CCDC141: variants seen among roughly 807,000 people sequenced by gnomAD.
CCDC141 encodes the protein coiled-coil domain-containing protein 141.
Under a neutral mutation model 181.0 loss-of-function variants are expected in CCDC141, and 168 were observed. The ratio of observed to expected loss-of-function variants is 0.93; its 90% confidence interval spans 0.82 to 1.05. The LOEUF (loss-of-function observed/expected upper bound fraction) is 1.05, where lower values mean the gene tolerates loss of function less well. Ranked by LOEUF, CCDC141 falls within the 50% of genes least tolerant of loss-of-function variation. The probability of loss-of-function intolerance (pLI) is 0.00; values close to 1 mark genes in which losing one functional copy is unlikely to be tolerated. For missense variants in CCDC141, 1,902 were observed against 1,788.5 expected, an observed-to-expected ratio of 1.06 and a Z score of -1.14; for synonymous variants, 666 against 642.3, an observed-to-expected ratio of 1.04 and a Z score of -0.56.
intron 8 of CCDC141, among the ~76,000 whole-genome samples, chr2:178,905,019 G>T (rs1371477324): frequency 6.6e-6 from 1 of 152,180 alleles, no homozygotes; most frequent in African/African-American, 2.4e-5. Context: ...AGATGCTAGG[G>T]TTTGAAAAGC....
At chr2:178,979,391 C>T (rs1014309308) in intron 2 of CCDC141, among the ~76,000 whole-genome samples, 4 of 151,816 alleles carry the variant, frequency 2.6e-5, no homozygotes, top group African/African-American at 7.3e-5. Context: ...GAACTTAAAA[C>T]GTGATAAAGA....
chr2:179,040,366 T>C (rs886628261), intron 2 of CCDC141, among the ~76,000 whole-genome samples: 1 of 152,246 alleles, frequency 6.6e-6, no homozygotes, highest in Non-Finnish European at 1.5e-5. Flanking sequence ...CCCTCTTCTT[T>C]CTTTTATTTC....
chr2:178,979,929 G>A (rs1285077724), intron 2 of CCDC141, among the ~76,000 whole-genome samples: 1 of 152,030 alleles, frequency 6.6e-6, no homozygotes, highest in Non-Finnish European at 1.5e-5. Flanking sequence ...CTTATGCTCA[G>A]ATAAAATACG....
At position 178,918,734 on chromosome 2, in the gene CCDC141, T is replaced by G. The variant is rs534363245; in HGVS notation, c.1071A>C (p.Glu357Asp). 1 of 1,550,500 alleles carries G rather than the reference T, an allele frequency of 6.4e-7. No individual in the cohort carries two copies. The highest frequency in any genetic ancestry group is 8.7e-7 in the Non-Finnish European group (1 of 1,146,946). Residue 357 changes from glutamate to aspartate, a missense_variant, in exon 7 of 24, where the codon GAA becomes GAC. Coordinates refer to ENST00000443758, the MANE Select transcript of CCDC141 (RefSeq NM_173648.4). ...TGACCTTGTTAGCACTGTTAAAAAA[T>G]TCATTCGCCTTCTTTAACCAGGTAT... ...ERNTWLKKAN[E>D]FFNSANKAFD...
Position 179,047,361 on chromosome 2 carries a change from G to C in CCDC141, c.148C>G (p.Leu50Val), listed in dbSNP as rs1187862504. The C allele has an allele frequency of 6.5e-7, 1 of 1,539,694 alleles. No individual in the cohort carries two copies. Among genetic ancestry groups the C allele is most frequent in the East Asian group, 2.5e-5 (1 of 40,342 alleles). ...TCTTGACTGCTGCCAATTTCTAGAAGATTGGGCTGTGATTCAGCCAGTTGA... is the reference window on the plus strand; with the variant it reads ...TCTTGACTGCTGCCAATTTCTAGAACATTGGGCTGTGATTCAGCCAGTTGA... ...QLQLAESQPN[L>V]LEIGSSQDET... The change falls in exon 2 of 24, where the codon CTT becomes GTT. Residue 50 changes from leucine (L) to valine (V), a missense_variant. Leu to Val is a conservative substitution (Grantham distance 32). Transcript: ENST00000443758.
intron 11 of CCDC141, among the ~76,000 whole-genome samples, chr2:178,881,158 C>A (rs1270790314): frequency 6.6e-6 from 1 of 151,948 alleles, no homozygotes; most frequent in Non-Finnish European, 1.5e-5. Flanking sequence ...GGAGAAGGAA[C>A]AGACAAAGAA....
chr2:178,918,655 T>G (rs1306615751), intron 7 of CCDC141, 58 bp downstream of exon 7: 17 of 1,390,704 alleles, frequency 1.2e-5, no homozygotes, highest in Non-Finnish European at 1.5e-5. Flanking sequence ...GTTGAAGTAA[T>G]GGGTCTTTTA....
At chr2:178,849,927 C>T (rs770435412) in intron 21 of CCDC141, 122 bp downstream of exon 21, 16 of 591,824 alleles carry the variant, frequency 2.7e-5, no homozygotes, top group Non-Finnish European at 4.8e-5. Flanking sequence ...AGCTGTAAAA[C>T]AAATGTGCAC....
intron 22 of CCDC141, among the ~76,000 whole-genome samples, chr2:178,840,683 T>C (rs1266876975): frequency 6.6e-6 from 1 of 152,218 alleles, no homozygotes; most frequent in Non-Finnish European, 1.5e-5. Flanking sequence ...TTAATCTATT[T>C]AAATCAGGCA....
At position 178,833,930 on chromosome 2, in the gene CCDC141, C is replaced by T; in HGVS notation, c.*243G>A. 1 of 456,034 alleles carries T rather than the reference C, an allele frequency of 2.2e-6. No individual in the cohort carries two copies. Among genetic ancestry groups the T allele is most frequent in the Middle Eastern group, 5.9e-4 (1 of 1,706 alleles). The allele number at this position is 456,034 out of a possible 1,614,324, so 28.2% of individuals were successfully genotyped here. ...TTGCTGCATATTATGTTGAAAACAT[C>T]TGTTTCTAGAGTACAAAAATCTGTT... On this transcript the variant is annotated 3_prime_UTR_variant, in exon 24 of 24. Coordinates refer to ENST00000443758, the MANE Select transcript of CCDC141 (RefSeq NM_173648.4).
intron 2 of CCDC141, among the ~76,000 whole-genome samples, chr2:179,046,797 A>G (rs1257532401): frequency 6.6e-6 from 1 of 152,244 alleles, no homozygotes; most frequent in Non-Finnish European, 1.5e-5. Context: ...CTCAACATAT[A>G]TAAAATAGTA....
intron 7 of CCDC141, among the ~76,000 whole-genome samples, chr2:178,917,573 C>T (rs1033350646): frequency 6.6e-6 from 1 of 152,180 alleles, no homozygotes. Context: ...TTTCCTGCCA[C>T]ATTGTCCGTT....
Position 178,836,079 on chromosome 2 carries a change from C to A in CCDC141, c.4325+815G>T, listed in dbSNP as rs544413452. 3 of 152,640 alleles carry A rather than the reference C, an allele frequency of 2.0e-5. No individual in the cohort carries two copies. The South Asian group carries it at 6.2e-4, about 32-fold the overall frequency. 9.5% of individuals were successfully genotyped at this position (152,640 alleles called of 1,614,324 possible). A position where few individuals can be genotyped will look rare whatever the true frequency, so the allele number is the denominator to read the frequency against. ...CTTAATCTTAGTTTATAAGTATAAACTGGCTTTTGCAGATTTGTAACTTTG... is the reference window on the plus strand; with the variant it reads ...CTTAATCTTAGTTTATAAGTATAAAATGGCTTTTGCAGATTTGTAACTTTG... On this transcript the variant is annotated intron_variant, in intron 23 of 23. Transcript: ENST00000443758.
At chr2:178,885,870 T>C (rs893770093) in intron 10 of CCDC141, among the ~76,000 whole-genome samples, 24 of 152,122 alleles carry the variant, frequency 1.6e-4, no homozygotes, top group Admixed American at 3.3e-4. Context: ...AAGTACTACA[T>C]TGAATGAAGG....
chr2:178,868,148 C>T lies in CCDC141; in HGVS notation c.2452G>A (p.Gly818Ser), dbSNP rs1395049609. Residue 818 changes from glycine to serine, a missense_variant, in exon 16 of 24, where the codon GGT becomes AGT. Transcript: ENST00000443758. ...TGAATCTGCACATCATGGGCATCAC[C>T]CAGTTCCTTCGGCTGCTCTACAAAC... ...LEFVEQPKEL[G>S]DAHDVQIHLR... 1 of 1,614,014 alleles carries T rather than the reference C, an allele frequency of 6.2e-7. No homozygotes were observed. The highest frequency in any genetic ancestry group is 2.2e-5 in the East Asian group (1 of 44,864).
intron 2 of CCDC141, among the ~76,000 whole-genome samples, chr2:178,988,761 A>G (rs1691885204): frequency 6.6e-6 from 1 of 152,158 alleles, no homozygotes; most frequent in Non-Finnish European, 1.5e-5. Flanking sequence ...AAAACTTACT[A>G]CAAAGCAACA....
intron 4 of CCDC141, among the ~76,000 whole-genome samples, chr2:178,973,245 C>T (rs1690978663): frequency 6.6e-6 from 1 of 152,086 alleles, no homozygotes; most frequent in Non-Finnish European, 1.5e-5. Flanking sequence ...CTTGAAGCCA[C>T]CACTGGGCAT....
chr2:178,989,718 A>G (rs1165502812), intron 2 of CCDC141, among the ~76,000 whole-genome samples: 1 of 150,418 alleles, frequency 6.6e-6, no homozygotes, highest in Non-Finnish European at 1.5e-5. Context: ...ACAAAGATAT[A>G]TAAATGGCAA....
At position 178,978,674 on chromosome 2, in the gene CCDC141, G is replaced by A. The variant is rs964963201; in HGVS notation, c.227C>T (p.Ala76Val). The change falls in exon 3 of 24, where the codon GCT becomes GTT. Residue 76 changes from alanine (A) to valine (V), a missense_variant and splice_region_variant. Physicochemically the swap from Ala to Val is moderately conservative, Grantham distance 64. Transcript: ENST00000443758. ...DHELLLAKLK[A>V]LEDRVWELLQ... ...GAGTTCCCATACCCGATCTTCCAAA[G>A]CCTAAGTACAAAAGAAAAAGGCATA... 3 of 1,525,212 alleles carry A rather than the reference G, an allele frequency of 2.0e-6. No homozygotes were observed. The African/African-American group carries it at 4.2e-5, about 21-fold the overall frequency. The allele number at this position is 1,525,212 out of a possible 1,614,324, so 94.5% of individuals were successfully genotyped here.
Sources: gnomAD v4.1 joint callset for allele counts (sites outside exome capture counted in the v4.1 genomes callset) on GRCh38, gnomAD v4.1.1 for gene constraint, MANE v1.5 for transcripts, NCBI Gene and HGNC (gene_info 2026-07-23, HGNC 2026-07-21) for gene names.